The following BBS2 variants were observed in gnomAD, a reference collection of about 807,000 sequenced individuals.
BBS2 encodes Bardet-Biedl syndrome 2.
A neutral mutation model predicts 83.0 loss-of-function variants in BBS2; 62 were observed. That is an observed-to-expected ratio of 0.75 (90% confidence interval 0.61 to 0.92). The LOEUF (loss-of-function observed/expected upper bound fraction) is 0.92. Ranked by LOEUF, BBS2 falls within the 40% of genes least tolerant of loss-of-function variation. The pLI is 0.00. For synonymous variants in BBS2, 303 were observed against 326.1 expected, an observed-to-expected ratio of 0.93 and a Z score of 0.76; for missense variants, 784 against 901.0, an observed-to-expected ratio of 0.87 and a Z score of 1.66.
chr16:56,519,926 C>G lies in BBS2; in HGVS notation c.-64G>C. Reference sequence around the variant, plus strand: ...GACAAGCGCAGCGGAGCTGGCCTCACGCGCCCGGGCAAGAAGTGCAGGGAC... The same window carrying G: ...GACAAGCGCAGCGGAGCTGGCCTCAGGCGCCCGGGCAAGAAGTGCAGGGAC... On this transcript the variant is annotated 5_prime_UTR_variant, in exon 1 of 17. Coordinates refer to ENST00000245157, the MANE Select transcript of BBS2 (RefSeq NM_031885.5). 7.1e-7 allele frequency: 1 copy of G among 1,417,940 alleles called. No individual in the cohort carries two copies. The allele number at this position is 1,417,940 out of a possible 1,614,324, so 87.8% of individuals were successfully genotyped here. A position where few individuals can be genotyped will look rare whatever the true frequency, so the allele number is the denominator to read the frequency against.
intron 15 of BBS2, among the ~76,000 whole-genome samples, chr16:56,490,642 A>AAAT (rs1963924156): frequency 6.6e-6 from 1 of 152,130 alleles, no homozygotes; most frequent in African/African-American, 2.4e-5. Flanking sequence ...CTCTGTCTCA[A>AAAT]AAATAAATAA....
At chr16:56,482,055 T>C (rs920825980), downstream of BBS2, among the ~76,000 whole-genome samples, 3 of 152,232 alleles carry the variant, frequency 2.0e-5, no homozygotes, top group African/African-American at 7.2e-5. Flanking sequence ...CCTTCTAGCC[T>C]GGCCATGAGT....
chr16:56,506,376 C>A, intron 5 of BBS2, 152 bp from the exon 6 acceptor site: 1 of 687,518 alleles, frequency 1.5e-6, no homozygotes, highest in South Asian at 1.6e-5. Flanking sequence ...ATGTATTCCT[C>A]TTCTCTACGA....
chr16:56,510,805 T>C, intron 4 of BBS2, 54 bp downstream of exon 4: 1 of 1,591,674 alleles, frequency 6.3e-7, no homozygotes, highest in South Asian at 1.1e-5. Context: ...GTCACTGTCA[T>C]GGCAAAATTC....
chr16:56,506,535 T>TA, intron 5 of BBS2, among the ~76,000 whole-genome samples: 1 of 152,166 alleles, frequency 6.6e-6, no homozygotes, highest in Non-Finnish European at 1.5e-5. Context: ...ATAAGCTAAC[T>TA]ACACAAGATC....
rs1276623881 is a variant in BBS2 at position 56,502,422 on chromosome 16, C to T, written c.975G>A (p.Arg325=). Residue 325 remains arginine (R), a synonymous_variant, in exon 9 of 17, where the codon AGG becomes AGA. Transcript: ENST00000245157. ...RGYLPGTAEM[R]GNLMDTSAEQ... ...CTGCACTGGTGTCCATGAGGTTGCCCCTCATCTCAGCCGTGCCAGGCAGGT... is the reference window on the plus strand; with the variant it reads ...CTGCACTGGTGTCCATGAGGTTGCCTCTCATCTCAGCCGTGCCAGGCAGGT... 3 of 1,614,188 alleles carry T rather than the reference C, an allele frequency of 1.9e-6. No individual in the cohort carries two copies.
In BBS2 at chr16:56,474,795, T is replaced by C. The variant is rs765153777; in HGVS notation, c.*1-4100A>G. 2.5e-6 allele frequency: 4 copies of C among 1,584,056 alleles called. No homozygotes were observed. In the African/African-American group the frequency reaches 4.1e-5, roughly 16 times the overall value. On this transcript the variant is annotated intron_variant, in intron 17 of 17. Transcript: ENST00000682047. ...TCCAACAGTTCTATCAAGGTTATTT[T>C]TTAAAGTTTCTCATCTTTTTTTTTT...
In BBS2 at chr16:56,514,539, G is replaced by T; in HGVS notation, c.259C>A (p.Leu87Ile). Residue 87 changes from leucine (L) to isoleucine (I), a missense_variant, in exon 2 of 17, where the codon CTT becomes ATT. Coordinates refer to ENST00000245157, the MANE Select transcript of BBS2 (RefSeq NM_031885.5). ...CLTAGVLNPELGYDALLVGTQ... is the reference protein window; with the variant it reads ...CLTAGVLNPEIGYDALLVGTQ... Reference sequence around the variant, plus strand: ...CCCACTAAAAGGGCATCATAGCCAAGCTCAGGGTTCAATACGCCTGCAGTC... The same window carrying T: ...CCCACTAAAAGGGCATCATAGCCAATCTCAGGGTTCAATACGCCTGCAGTC... 6.2e-7 allele frequency: 1 copy of T among 1,614,162 alleles called. No homozygotes were observed. Among genetic ancestry groups the T allele is most frequent in the Non-Finnish European group, 8.5e-7 (1 of 1,180,024 alleles).
At chr16:56,487,055 G>A (rs1298164062) in intron 15 of BBS2, among the ~76,000 whole-genome samples, 3 of 151,982 alleles carry the variant, frequency 2.0e-5, no homozygotes, top group Middle Eastern at 3.4e-3. Flanking sequence ...TGAGCCACCC[G>A]GCCAGTGATA....
downstream of BBS2, among the ~76,000 whole-genome samples, chr16:56,480,698 T>C (rs16969513): frequency 0.035 from 5,292 of 152,264 alleles, 324 homozygotes; most frequent in African/African-American, 0.12. Context: ...GGTGCATTAC[T>C]GCTTCAACAC....
At chr16:56,507,665 T>C (rs868305945) in intron 5 of BBS2, among the ~76,000 whole-genome samples, 3 of 151,606 alleles carry the variant, frequency 2.0e-5, no homozygotes, top group Non-Finnish European at 4.4e-5. Context: ...TATAAGCACA[T>C]ACACACAAAA....
At chr16:56,494,818 C>T (rs1356446740) in intron 15 of BBS2, among the ~76,000 whole-genome samples, 1 of 151,908 alleles carries the variant, frequency 6.6e-6, no homozygotes, top group African/African-American at 2.4e-5. Context: ...AAAAATTAGC[C>T]GGGCTTGGTG....
rs528685215 is a variant in BBS2, at chr16:56,502,742, C to T, written c.871G>A (p.Gly291Ser). Residue 291 changes from glycine (G) to serine (S), a missense_variant, in exon 8 of 17, where the codon GGT becomes AGT. Transcript: ENST00000245157. Reference protein sequence around the residue: ...FKDNFSSAIAGVVEGDYRMDG... With the variant: ...FKDNFSSAIASVVEGDYRMDG... ...ATCCGGTAATCTCCCTCTACCACAC[C>T]GGCAATTGCAGAAGAAAAATTGTCC... 76 of 1,614,180 alleles carry T rather than the reference C, an allele frequency of 4.7e-5. No individual in the cohort carries two copies. The East Asian group carries it at 1.0e-3, about 21-fold the overall frequency.
At chr16:56,481,922 G>C (rs527922789), downstream of BBS2, among the ~76,000 whole-genome samples, 1 of 152,204 alleles carries the variant, frequency 6.6e-6, no homozygotes, top group South Asian at 2.1e-4. Flanking sequence ...CCCTGTACAG[G>C]ACACTCTGTC....
chr16:56,475,791 T>C lies in BBS2; in HGVS notation c.*1-5096A>G, dbSNP rs369903054. Among the ~76,000 whole-genome samples, 8 of 152,354 alleles carry C rather than the reference T, an allele frequency of 5.3e-5. No homozygotes were observed. The South Asian group carries it at 1.5e-3, about 28-fold the overall frequency. ...CTGAGAAATTCCAAATTAAGAGCCA[T>C]GTGGTGCATTCCCACAAATCTTACA... On this transcript the variant is annotated intron_variant, in intron 17 of 17. Coordinates refer to the BBS2 transcript ENST00000682047.
rs1429896105 is a variant in BBS2, at chr16:56,519,965, C to T, written c.-103G>A. The T allele has an allele frequency of 2.2e-5, 22 of 1,007,754 alleles. No individual in the cohort carries two copies. Among genetic ancestry groups the T allele is most frequent in the Non-Finnish European group, 2.8e-5 (18 of 651,084 alleles). The allele number at this position is 1,007,754 out of a possible 1,614,324, so 62.4% of individuals were successfully genotyped here. A position where few individuals can be genotyped will look rare whatever the true frequency, so the allele number is the denominator to read the frequency against. ...AAGTGCAGGGACACTACCTGCGCGG[C>T]CCCAGCCGCCTCAGGCCGGACGCGA... On this transcript the variant is annotated 5_prime_UTR_variant, in exon 1 of 17. Transcript: ENST00000245157.
Position 56,502,799 on chromosome 16 carries a change from G to A in BBS2, c.814C>T (p.Arg272Ter), listed in dbSNP as rs764164384. The A allele has an allele frequency of 3.7e-6, 6 of 1,614,064 alleles. No individual in the cohort carries two copies. Among genetic ancestry groups the A allele is most frequent in the East Asian group, 2.2e-5 (1 of 44,876 alleles). ...TGWSNGKVDARSDRTGEVIFK... is the reference protein window; with the variant it reads ...TGWSNGKVDA ...ATGACCTCCCCAGTTCGGTCACTTC[G>A]AGCATCAACCTACAAATAAAACACA... Residue 272 changes from arginine to a stop codon, truncating the protein, a stop_gained, in exon 8 of 17, where the codon CGA becomes TGA. Transcript: ENST00000245157. LOFTEE classifies it high-confidence loss of function.
Position 56,485,625 on chromosome 16 carries a change from A to G in BBS2, c.2024T>C (p.Val675Ala), listed in dbSNP as rs1209726026. Reference protein sequence around the residue: ...HTELLGNLKAVNQAIQRAGRL... With the variant: ...HTELLGNLKAANQAIQRAGRL... ...ACCTGCTCTTTGAATTGCTTGATTTACTGCTTTGAGGTTTCCCAACAGCTC... is the reference window on the plus strand; with the variant it reads ...ACCTGCTCTTTGAATTGCTTGATTTGCTGCTTTGAGGTTTCCCAACAGCTC... Residue 675 changes from valine (V) to alanine (A), a missense_variant, in exon 16 of 17, where the codon GTA becomes GCA. By Grantham distance (64) the Val-to-Ala change is moderately conservative. Transcript: ENST00000245157. 8.1e-6 allele frequency: 13 copies of G among 1,614,066 alleles called. 1 individual carries two copies. The highest frequency in any genetic ancestry group is 2.7e-5 in the African/African-American group (2 of 74,948).
Position 56,496,986 on chromosome 16 carries a change from C to G in BBS2, c.1891G>C (p.Ala631Pro). The G allele has an allele frequency of 6.2e-7, 1 of 1,613,812 alleles. No homozygotes were observed. The highest frequency in any genetic ancestry group is 8.5e-7 in the Non-Finnish European group (1 of 1,179,696). Residue 631 changes from alanine (A) to proline (P), a missense_variant, in exon 15 of 17, where the codon GCT (alanine) becomes CCT (proline). Ala to Pro is a conservative substitution (Grantham distance 27, BLOSUM62 -1). Transcript: ENST00000245157. The part of the protein sequence containing the change: ...IRSLLVGAED[A>P]RLMRDMKTMK... ...ACTCACATGTCCCTCATCAGACGAG[C>G]ATCCTCAGCTCCGACCAGCAAACTT...
Sources: allele counts gnomAD v4.1 joint callset (sites outside exome capture counted in the v4.1 genomes callset), GRCh38; gene constraint gnomAD v4.1.1; transcripts MANE v1.5; gene names NCBI Gene and HGNC (gene_info 2026-07-23, HGNC 2026-07-21).